The following QRICH1 variants were observed in gnomAD, a reference collection of about 807,000 sequenced individuals.
QRICH1 encodes the protein transcriptional regulator QRICH1.
Under a neutral mutation model 87.1 loss-of-function variants are expected in QRICH1, and 16 were observed. The ratio of observed to expected loss-of-function variants is 0.18; its 90% CI spans 0.12 to 0.28. QRICH1 has a LOEUF of 0.28. Among genes scored for constraint, QRICH1 ranks in the 10% least tolerant of loss-of-function variants. The probability of loss-of-function intolerance (pLI) is 1.00; values close to 1 mark genes in which losing one functional copy is unlikely to be tolerated. For missense variants in QRICH1, 647 were observed against 951.7 expected, an observed-to-expected ratio of 0.68 and a Z score of 4.21; for synonymous variants, 367 against 368.4, an observed-to-expected ratio of 1.00 and a Z score of 0.05.
At chr3:49,052,117 G>A (rs2093374377) in intron 3 of QRICH1, among the ~76,000 whole-genome samples, 1 of 152,150 alleles carries the variant, frequency 6.6e-6, no homozygotes, top group South Asian at 2.1e-4. Flanking sequence ...AGTACTGGTG[G>A]CCTAGACTAT....
intron 2 of QRICH1, among the ~76,000 whole-genome samples, chr3:49,067,098 C>T (rs1385193432): frequency 2.0e-5 from 3 of 152,022 alleles, no homozygotes; most frequent in Non-Finnish European, 4.4e-5. Flanking sequence ...AATTAAATGG[C>T]TAATGTGGCT....
chr3:49,030,544 T>G lies in QRICH1; in HGVS notation c.2239A>C (p.Arg747=). 2 of 1,614,102 alleles carry G rather than the reference T, an allele frequency of 1.2e-6. No individual in the cohort carries two copies. The highest frequency in any genetic ancestry group is 1.7e-6 in the Non-Finnish European group (2 of 1,179,948). Residue 747 remains arginine, a synonymous_variant, in exon 10 of 10, where the codon AGA becomes CGA. Transcript: ENST00000395443. The stretch of plus-strand genomic sequence containing the variant: ...GTCAGCATTTGTCCCATCTGCTCTC[T>G]GCTGATAGGCTGGACTGAGTACCAG... ...PIWYSVQPIS[R]EQMGQMLTRI...
At chr3:49,038,059 A>C (rs2093286292) in intron 6 of QRICH1, among the ~76,000 whole-genome samples, 1 of 152,082 alleles carries the variant, frequency 6.6e-6, no homozygotes, top group Non-Finnish European at 1.5e-5. Flanking sequence ...AATTTTAATA[A>C]AGGGTAGATT....
At chr3:49,087,747 G>A (rs1338435185) in intron 1 of QRICH1, among the ~76,000 whole-genome samples, 1 of 125,988 alleles carries the variant, frequency 7.9e-6, no homozygotes, top group Non-Finnish European at 1.6e-5. Flanking sequence ...GGTACCATGC[G>A]CCTGTAGTCC....
At chr3:49,077,065 T>C (rs749605703) in intron 1 of QRICH1, 27 bp from the exon 2 acceptor site, 38 of 1,312,572 alleles carry the variant, frequency 2.9e-5, no homozygotes, top group Non-Finnish European at 3.6e-5. Context: ...GTCAAAATTA[T>C]GTTACTGTTT....
intron 1 of QRICH1, among the ~76,000 whole-genome samples, chr3:49,082,095 C>T (rs1232395165): frequency 3.3e-5 from 5 of 152,086 alleles, no homozygotes; most frequent in Admixed American, 6.6e-5. Context: ...GCACCTGCCC[C>T]CATACCCGGC....
rs567087575 is a variant in QRICH1, at chr3:49,059,624, T to C, written c.310-1734A>G. On this transcript the variant is annotated intron_variant, in intron 2 of 9. Coordinates refer to ENST00000395443, the MANE Select transcript of QRICH1 (RefSeq NM_198880.3). The stretch of plus-strand genomic sequence containing the variant: ...TAGTAGAGACGAGGTTTCACCATGT[T>C]GGTTGGCCAGGATGGTCTCGATCTC... Among the ~76,000 whole-genome samples the C allele has an allele frequency of 3.6e-3, 539 of 148,732 alleles. 2 individuals are homozygous for C. Among genetic ancestry groups the C allele is most frequent in the Non-Finnish European group, 6.0e-3 (403 of 66,940 alleles).
chr3:49,088,618 GT>G lies in QRICH1; in HGVS notation c.-22+5293del, dbSNP rs1206382284. Among the ~76,000 whole-genome samples, 217 of 93,170 alleles carry G rather than the reference GT, an allele frequency of 2.3e-3. 1 individual carries two copies. Among genetic ancestry groups the G allele is most frequent in the African/African-American group, 2.8e-3 (72 of 25,392 alleles). 61.1% of individuals were successfully genotyped at this position (93,170 alleles called of 152,430 possible). A position where few individuals can be genotyped will look rare whatever the true frequency, so the allele number is the denominator to read the frequency against. The stretch of plus-strand genomic sequence containing the variant: ...GAGCCACTGCACCAGGCTTTTGTCT[GT>G]TTTTTTTTTTTTTTTTTTTTTAATG... On this transcript the variant is annotated intron_variant, in intron 1 of 9. Coordinates refer to ENST00000395443, the MANE Select transcript of QRICH1 (RefSeq NM_198880.3).
At chr3:49,082,569 A>C (rs890808773) in intron 1 of QRICH1, among the ~76,000 whole-genome samples, 17 of 152,090 alleles carry the variant, frequency 1.1e-4, no homozygotes, top group African/African-American at 4.1e-4. Context: ...ATAAACCATC[A>C]AAATCCATTC....
At position 49,047,203 on chromosome 3, in the gene QRICH1, G is replaced by A. The variant is rs2093343609; in HGVS notation, c.1382C>T (p.Pro461Leu). 1.2e-6 allele frequency: 2 copies of A among 1,614,136 alleles called. No homozygotes were observed. Among genetic ancestry groups the A allele is most frequent in the Non-Finnish European group, 1.7e-6 (2 of 1,180,014 alleles). Residue 461 changes from proline to leucine, a missense_variant, in exon 4 of 10, where the codon CCA becomes CTA. This residue lies in a region of QRICH1 where 187 missense variants were observed against 309.5 expected (regional missense o/e 0.60). Coordinates refer to ENST00000395443, the MANE Select transcript of QRICH1 (RefSeq NM_198880.3). ...AAGCAGAAGTTCTGGGGAAGGCTGT[G>A]GCTGTGACTGTGGTTCAACTTCAGC... ...QVAEVEPQSQ[P>L]QPSPELLLPN...
At chr3:49,041,992 C>T (rs981814823) in intron 6 of QRICH1, among the ~76,000 whole-genome samples, 2 of 150,182 alleles carry the variant, frequency 1.3e-5, no homozygotes, top group Non-Finnish European at 3.0e-5. Flanking sequence ...AGGCTGGTGT[C>T]GGACTCCTGG....
At chr3:49,046,729 T>C (rs919483922) in intron 4 of QRICH1, 150 bp from the exon 5 acceptor site, 53 of 900,700 alleles carry the variant, frequency 5.9e-5, no homozygotes, top group Non-Finnish European at 8.2e-5. Context: ...AACTGGCCTA[T>C]AACATGAGTA....
intron 6 of QRICH1, among the ~76,000 whole-genome samples, chr3:49,035,648 T>TAA (rs971371469): frequency 5.5e-4 from 73 of 133,436 alleles, no homozygotes; most frequent in African/African-American, 1.9e-3. Flanking sequence ...ACAAAAACCT[T>TAA]AAAAAAAAAA....
chr3:49,086,604 C>T (rs1255382066), intron 1 of QRICH1, among the ~76,000 whole-genome samples: 2 of 152,144 alleles, frequency 1.3e-5, no homozygotes, highest in African/African-American at 4.8e-5. Flanking sequence ...AGCAATTCTT[C>T]ACTACATGAG....
chr3:49,045,384 AG>A (rs1222247504), intron 5 of QRICH1, among the ~76,000 whole-genome samples: 1 of 148,888 alleles, frequency 6.7e-6, no homozygotes, highest in Admixed American at 6.7e-5. Flanking sequence ...ATAGAAGTTT[AG>A]GTAGTAGGAT....
At chr3:49,078,207 T>C (rs572579951) in intron 1 of QRICH1, among the ~76,000 whole-genome samples, 1 of 152,272 alleles carries the variant, frequency 6.6e-6, no homozygotes, top group African/African-American at 2.4e-5. Context: ...CCAGATGCTC[T>C]ACCTTATGTT....
chr3:49,085,716 C>T (rs1346584148), intron 1 of QRICH1, among the ~76,000 whole-genome samples: 2 of 151,460 alleles, frequency 1.3e-5, no homozygotes, highest in Admixed American at 6.6e-5. Context: ...CAAGACCATG[C>T]CACTGCACTC....
At chr3:49,089,741 T>C (rs369341605) in intron 1 of QRICH1, among the ~76,000 whole-genome samples, 14 of 152,196 alleles carry the variant, frequency 9.2e-5, no homozygotes, top group African/African-American at 3.4e-4. Context: ...TGACTCCATT[T>C]ATACAAAACT....
chr3:49,084,539 C>A (rs1051058184), intron 1 of QRICH1, among the ~76,000 whole-genome samples: 3 of 152,132 alleles, frequency 2.0e-5, no homozygotes, highest in Non-Finnish European at 4.4e-5. Flanking sequence ...CAGGCGTGAG[C>A]CATCACATCC....
Sources: allele counts gnomAD v4.1 joint callset (sites outside exome capture counted in the v4.1 genomes callset), GRCh38; gene constraint gnomAD v4.1.1; regional missense constraint gnomAD v4.1.1; transcripts MANE v1.5; gene names NCBI Gene and HGNC (gene_info 2026-07-23, HGNC 2026-07-21).